Variants in BCAR1 observed in about 807,000 individuals in gnomAD.
BCAR1 encodes breast cancer anti-estrogen resistance protein 1.
A neutral mutation model predicts 67.6 loss-of-function variants in BCAR1; 30 were observed. The observed-to-expected ratio is 0.44, with a 90% CI of 0.33 to 0.60. BCAR1 has a LOEUF of 0.60. Ranked by LOEUF, BCAR1 falls within the 20% of genes least tolerant of loss-of-function variation. The pLI, the probability that BCAR1 is intolerant of heterozygous loss-of-function variation, is 0.02. For missense variants in BCAR1, 1,313 were observed against 1,222.3 expected, an observed-to-expected ratio of 1.07 and a Z score of -1.11; for synonymous variants, 626 against 556.7, an observed-to-expected ratio of 1.12 and a Z score of -1.75.
In BCAR1 at chr16:75,229,628, G is replaced by A. The variant is rs144964852; in HGVS notation, c.2496C>T (p.Ala832=). 1.6e-5 allele frequency: 25 copies of A among 1,612,460 alleles called. No individual in the cohort carries two copies. The highest frequency in any genetic ancestry group is 7.7e-5 in the South Asian group (7 of 91,040). Reference sequence around the variant, plus strand: ...AAGGCGATGGGTACTGCAAGGCAGCGGCCTTGGTGGTGGCCACGATGCCGC... The same window carrying A: ...AAGGCGATGGGTACTGCAAGGCAGCAGCCTTGGTGGTGGCCACGATGCCGC... ...LLRGIVATTK[A]AALQYPSPSA... The change falls in exon 7 of 7, where the codon GCC becomes GCT. Residue 832 remains alanine (A), a synonymous_variant. Transcript: ENST00000162330.
Position 75,235,654 on chromosome 16 carries a change from T to C in BCAR1, c.1245A>G (p.Pro415=), listed in dbSNP as rs763132375. 6.2e-7 allele frequency: 1 copy of C among 1,610,096 alleles called. No homozygotes were observed. Among genetic ancestry groups the C allele is most frequent in the Non-Finnish European group, 8.5e-7 (1 of 1,177,798 alleles). ...CCTCTGCCGGGGCTTCACGTTCAGC[T>C]GGGGGAGGCACCGCATACACACCAC... ...VDSGVYAVPP[P]AEREAPAEGK... is the part of the protein sequence containing the mutation. Residue 415 remains proline (P), a synonymous_variant, in exon 5 of 7, where the codon CCA becomes CCG. Transcript: ENST00000162330.
chr16:75,264,663 A>T, intron 1 of BCAR1: 1 of 1,253,256 alleles, frequency 8.0e-7, no homozygotes, highest in Middle Eastern at 3.0e-4. Context: ...CCACAATAAC[A>T]ATGCTTTGCA....
chr16:75,248,399 C>A (rs2077583756), intron 1 of BCAR1: 6 of 1,185,856 alleles, frequency 5.1e-6, no homozygotes, highest in Non-Finnish European at 5.3e-6. Context: ...TTGCTTGTCC[C>A]AAAGAGCCTC....
intron 2 of BCAR1, among the ~76,000 whole-genome samples, chr16:75,241,589 A>C (rs1297998869): frequency 6.6e-6 from 1 of 152,222 alleles, no homozygotes; most frequent in Non-Finnish European, 1.5e-5. Context: ...AGTGGGAGCC[A>C]GTGACCCAGG....
chr16:75,234,925 C>G lies in BCAR1; in HGVS notation c.1974G>C (p.Gly658=), dbSNP rs546382267. The part of the protein sequence containing the change: ...SPDGQYENSE[G]GWMEDYDYVH... ...CGTAGTCATAGTCCTCCATCCAGCC[C>G]CCCTCGCTGTTCTCGTACTGCCCAT... The change falls in exon 5 of 7, where the codon GGG becomes GGC. Residue 658 remains glycine (G), a synonymous_variant. Transcript: ENST00000162330. The G allele has an allele frequency of 2.6e-5, 40 of 1,555,866 alleles. No individual in the cohort carries two copies. In the South Asian group the frequency reaches 4.6e-4, roughly 18 times the overall value.
At chr16:75,248,164 G>A (rs932559592) in intron 1 of BCAR1, 46 of 1,585,114 alleles carry the variant, frequency 2.9e-5, no homozygotes, top group Middle Eastern at 1.7e-4. Context: ...GGTGGAGCTG[G>A]GTGGCTCCAC....
rs1027329529 is a variant in BCAR1, at chr16:75,264,108, A to G, written c.66+3807T>C. On this transcript the variant is annotated intron_variant, in intron 1 of 6. Transcript: ENST00000393422. ...GCTGCAGGTCCCCACGACAGTGCCT[A>G]TCTGTCCAAGTCCTACCCAGCCCGC... 3.2e-5 allele frequency: 41 copies of G among 1,264,450 alleles called. No individual in the cohort carries two copies. In the South Asian group the frequency reaches 1.0e-3, roughly 31 times the overall value. 78.3% of individuals were successfully genotyped at this position (1,264,450 alleles called of 1,614,324 possible). A position where few individuals can be genotyped will look rare whatever the true frequency, so the allele number is the denominator to read the frequency against.
At chr16:75,259,038 C>G (rs368109490) in intron 1 of BCAR1, among the ~76,000 whole-genome samples, 42 of 152,336 alleles carry the variant, frequency 2.8e-4, no homozygotes, top group African/African-American at 9.9e-4. Context: ...ACCTCCCAAC[C>G]AGGACTTCTG....
At chr16:75,243,476 T>C (rs2077419753) in intron 1 of BCAR1, 1 of 543,436 alleles carries the variant, frequency 1.8e-6, no homozygotes. Flanking sequence ...TAGCAAATGG[T>C]TCTCTCTCGA....
At chr16:75,258,622 G>A (rs546527121) in intron 1 of BCAR1, among the ~76,000 whole-genome samples, 2 of 152,336 alleles carry the variant, frequency 1.3e-5, no homozygotes, top group South Asian at 2.1e-4. Flanking sequence ...GCTTCTCTGC[G>A]GAGGTGACAT....
chr16:75,257,669 C>T (rs993363106), intron 1 of BCAR1, among the ~76,000 whole-genome samples: 2 of 152,128 alleles, frequency 1.3e-5, no homozygotes, highest in South Asian at 4.1e-4. Context: ...TGCCCAGGCT[C>T]GTCTCCAACT....
chr16:75,250,807 C>G, intron 1 of BCAR1: 1 of 985,582 alleles, frequency 1.0e-6, no homozygotes, highest in Non-Finnish European at 1.2e-6. Context: ...TCCCGCGACA[C>G]TCGCGTGCGG....
chr16:75,250,070 G>A (rs997636094), intron 1 of BCAR1: 3 of 152,350 alleles, frequency 2.0e-5, no homozygotes, highest in Non-Finnish European at 4.4e-5. Flanking sequence ...CCCTCGCCTA[G>A]ACCTGGGGCC....
intron 1 of BCAR1, chr16:75,248,938 C>CT (rs1229911501): frequency 2.0e-5 from 3 of 152,482 alleles, no homozygotes; most frequent in Admixed American, 2.0e-4. Flanking sequence ...CAGCAGATGC[C>CT]TTTATGCCCA....
intron 1 of BCAR1, among the ~76,000 whole-genome samples, chr16:75,265,613 C>T (rs2077991479): frequency 6.6e-6 from 1 of 152,030 alleles, no homozygotes; most frequent in African/African-American, 2.4e-5. Flanking sequence ...CCCGATCCAG[C>T]TCTCCTGAAA....
In BCAR1 at chr16:75,235,253, T is replaced by A. The variant is rs1434743682; in HGVS notation, c.1646A>T (p.Glu549Val). The part of the protein sequence containing the change: ...AKLSRQLQKM[E>V]DVHQTLVAHG... Reference sequence around the variant, plus strand: ...TGCCACCAGCGTCTGGTGCACGTCCTCCATCTTCTGCAGCTGCCGGCTAAG... The same window carrying A: ...TGCCACCAGCGTCTGGTGCACGTCCACCATCTTCTGCAGCTGCCGGCTAAG... The change falls in exon 5 of 7, where the codon GAG becomes GTG. Residue 549 changes from glutamate (E) to valine (V), a missense_variant. Physicochemically the swap from Glu to Val is moderately radical, Grantham distance 121. Coordinates refer to ENST00000162330, the MANE Select transcript of BCAR1 (RefSeq NM_014567.5). 3 of 1,606,510 alleles carry A rather than the reference T, an allele frequency of 1.9e-6. No homozygotes were observed. Among genetic ancestry groups the A allele is most frequent in the Admixed American group, 3.3e-5 (2 of 59,890 alleles).
At chr16:75,239,905 G>A (rs1301901626) in intron 2 of BCAR1, among the ~76,000 whole-genome samples, 1 of 152,202 alleles carries the variant, frequency 6.6e-6, no homozygotes. Context: ...CTGACCTCAC[G>A]CCATGGCTGT....
intron 2 of BCAR1, chr16:75,238,530 G>C (rs973300688): frequency 2.1e-5 from 21 of 993,176 alleles, no homozygotes; most frequent in South Asian, 4.5e-5. Flanking sequence ...GTGCTGTGAG[G>C]GGGGCGCTGA....
Position 75,242,837 on chromosome 16 carries a change from A to C in BCAR1, c.266T>G (p.Leu89Arg), listed in dbSNP as rs1349790370. The C allele has an allele frequency of 2.5e-6, 4 of 1,607,378 alleles. No homozygotes were observed. In the Admixed American group the frequency reaches 6.7e-5, roughly 27 times the overall value. ...PATPAQPQPG[L>R]HAPAPPASQY... is the part of the protein sequence containing the mutation. The stretch of plus-strand genomic sequence containing the variant: ...GGAGGCCGGAGGCGCTGGGGCATGG[A>C]GGCCAGGCTGAGGCTGGGCCGGGGT... Residue 89 changes from leucine (L) to arginine (R), a missense_variant, in exon 2 of 7, where the codon CTC (leucine) becomes CGC (arginine). Transcript: ENST00000162330.
Sources: allele counts gnomAD v4.1 joint callset (sites outside exome capture counted in the v4.1 genomes callset), GRCh38; gene constraint gnomAD v4.1.1; transcripts MANE v1.5; gene names NCBI Gene and HGNC (gene_info 2026-07-23, HGNC 2026-07-21).